ATP2B2: variants seen among roughly 807,000 people sequenced by gnomAD.
ATP2B2 encodes ATPase plasma membrane Ca2+ transporting 2, also known as plasma membrane calcium-transporting ATPase 2.
In ATP2B2, 15 loss-of-function variants were observed where a neutral mutation model predicts 120.0. The observed-to-expected ratio is 0.12, with a 90% CI of 0.08 to 0.19. The LOEUF is 0.19. ATP2B2 is among the 10% of genes least tolerant of loss of function. The pLI is 1.00. For missense variants in ATP2B2, 1,045 were observed against 1,719.8 expected (o/e 0.61, Z 6.94); for synonymous variants, 694 against 700.3 (o/e 0.99, Z 0.14).
chr3:10,423,873 T>C (rs2063067614), intron 2 of ATP2B2, among the ~76,000 whole-genome samples: 1 of 152,098 alleles, frequency 6.6e-6, no homozygotes, highest in Admixed American at 6.5e-5. Flanking sequence ...CCTGCTGAGG[T>C]AGATGAAAGA....
At chr3:10,599,445 C>T (rs372328695) in intron 2 of ATP2B2, among the ~76,000 whole-genome samples, 1 of 152,218 alleles carries the variant, frequency 6.6e-6, no homozygotes, top group African/African-American at 2.4e-5. Flanking sequence ...CCAGCCCCCA[C>T]ATCACCTTGT....
intron 5 of ATP2B2, among the ~76,000 whole-genome samples, chr3:10,394,036 G>A (rs1002975303): frequency 2.6e-5 from 4 of 152,258 alleles, no homozygotes; most frequent in Admixed American, 1.3e-4. Flanking sequence ...CAGATAAGGC[G>A]AATGACTGAA....
chr3:10,606,957 G>C (rs11707438), intron 2 of ATP2B2, among the ~76,000 whole-genome samples: 3 of 94,466 alleles, frequency 3.2e-5, no homozygotes, highest in Non-Finnish European at 6.4e-5. Flanking sequence ...AGAGGGGGAG[G>C]GGGGGAGAGA....
intron 3 of ATP2B2, among the ~76,000 whole-genome samples, chr3:10,520,757 C>CTTTTTTTTT (rs5846668): frequency 6.9e-6 from 1 of 145,724 alleles, no homozygotes. Context: ...CACCTGGCCT[C>CTTTTTTTTT]TTTTTTTTTT....
chr3:10,400,246 A>G (rs1176397085), intron 5 of ATP2B2, among the ~76,000 whole-genome samples: 10 of 152,182 alleles, frequency 6.6e-5, no homozygotes, highest in African/African-American at 9.7e-5. Flanking sequence ...AATCCTCATC[A>G]CACTGGGAGT....
chr3:10,471,423 C>T (rs1389122395), intron 1 of ATP2B2, among the ~76,000 whole-genome samples: 3 of 150,470 alleles, frequency 2.0e-5, no homozygotes, highest in Admixed American at 6.6e-5. Context: ...CGTGTGCGTG[C>T]GTGTGCATGT....
At chr3:10,518,623 C>T (rs1359077444) in intron 3 of ATP2B2, among the ~76,000 whole-genome samples, 1 of 152,264 alleles carries the variant, frequency 6.6e-6, no homozygotes, top group Non-Finnish European at 1.5e-5. Flanking sequence ...AGCGCCGCTG[C>T]GGCCGTGCTG....
chr3:10,415,280 T>C (rs931233263), intron 2 of ATP2B2, among the ~76,000 whole-genome samples: 6 of 152,212 alleles, frequency 3.9e-5, no homozygotes, highest in Non-Finnish European at 8.8e-5. Context: ...ACCGGGTAGA[T>C]GTACTGTGTC....
At chr3:10,461,998 G>T (rs886589577) in intron 1 of ATP2B2, among the ~76,000 whole-genome samples, 1 of 151,994 alleles carries the variant, frequency 6.6e-6, no homozygotes, top group Admixed American at 6.5e-5. Flanking sequence ...GACCATGTCT[G>T]CCCAGGCCTC....
chr3:10,617,424 C>A (rs1402575844), intron 2 of ATP2B2, among the ~76,000 whole-genome samples: 1 of 152,172 alleles, frequency 6.6e-6, no homozygotes, highest in Admixed American at 6.5e-5. Context: ...AAAGTGACAG[C>A]CATCCCCGGC....
intron 7 of ATP2B2, 23 bp from the exon 8 acceptor site, chr3:10,385,350 G>GA: frequency 6.2e-7 from 1 of 1,610,282 alleles, no homozygotes; most frequent in Non-Finnish European, 8.5e-7. Context: ...GGGAGGGATG[G>GA]AAAATGCAGT....
At chr3:10,418,131 C>A (rs1466496770) in intron 2 of ATP2B2, among the ~76,000 whole-genome samples, 1 of 152,014 alleles carries the variant, frequency 6.6e-6, no homozygotes, top group African/African-American at 2.4e-5. Flanking sequence ...GTACTGAATA[C>A]GCAGTTCACC....
intron 2 of ATP2B2, among the ~76,000 whole-genome samples, chr3:10,592,400 G>C (rs2068664848): frequency 1.3e-5 from 2 of 152,194 alleles, no homozygotes; most frequent in Admixed American, 1.3e-4. Context: ...CCAAGCCTGG[G>C]GGACTCCCAC....
chr3:10,612,104 C>T (rs1234852694), intron 2 of ATP2B2, among the ~76,000 whole-genome samples: 2 of 152,154 alleles, frequency 1.3e-5, no homozygotes, highest in Admixed American at 1.3e-4. Context: ...CAACTCCTGG[C>T]TCAGCACTGG....
intron 1 of ATP2B2, among the ~76,000 whole-genome samples, chr3:10,673,806 CAAAAAAA>C (rs549651187): frequency 1.5e-4 from 11 of 73,780 alleles, no homozygotes; most frequent in African/African-American, 3.9e-4. Context: ...GACCCTGTTT[CAAAAAAA>C]AAAAAAAAAA....
chr3:10,324,864 A>C lies in ATP2B2; in HGVS notation c.*3950T>G, dbSNP rs2059834601. The C allele has an allele frequency of 6.6e-6, 1 of 152,264 alleles. No individual in the cohort carries two copies. Among genetic ancestry groups the C allele is most frequent in the African/African-American group, 2.4e-5 (1 of 41,468 alleles). 9.4% of individuals were successfully genotyped at this position (152,264 alleles called of 1,614,324 possible). A position where few individuals can be genotyped will look rare whatever the true frequency, so the allele number is the denominator to read the frequency against. On this transcript the variant is annotated 3_prime_UTR_variant, in exon 23 of 23. Coordinates refer to ENST00000360273, the MANE Select transcript of ATP2B2 (RefSeq NM_001001331.4). ...AGGTTTCTCCATGATGAGAATTAGA[A>C]GTGCAGACAACTGGGCCACACATTC...
chr3:10,615,295 G>A (rs972099221), intron 2 of ATP2B2, among the ~76,000 whole-genome samples: 2 of 152,190 alleles, frequency 1.3e-5, no homozygotes, highest in Admixed American at 6.5e-5. Context: ...GAGCAACCAG[G>A]AGGCTGACCC....
intron 2 of ATP2B2, among the ~76,000 whole-genome samples, chr3:10,433,800 A>G (rs1226904346): frequency 1.3e-5 from 2 of 152,224 alleles, no homozygotes; most frequent in African/African-American, 4.8e-5. Context: ...CTCCACAAGG[A>G]AGCCTGTCTT....
At chr3:10,470,274 C>G (rs2064927979) in intron 1 of ATP2B2, among the ~76,000 whole-genome samples, 1 of 152,196 alleles carries the variant, frequency 6.6e-6, no homozygotes, top group African/African-American at 2.4e-5. Context: ...ATCTCACCCT[C>G]AAACAACACA....
Sources: gnomAD v4.1 joint callset for allele counts (sites outside exome capture counted in the v4.1 genomes callset) on GRCh38, gnomAD v4.1.1 for gene constraint, MANE v1.5 for transcripts, NCBI Gene and HGNC (gene_info 2026-07-23, HGNC 2026-07-21) for gene names.